The following EPB41L1 variants were observed in gnomAD, a reference collection of about 807,000 sequenced individuals.
EPB41L1 encodes the protein erythrocyte membrane protein band 4.1 like 1.
A neutral mutation model predicts 97.8 loss-of-function variants in EPB41L1; 29 were observed. The observed-to-expected ratio is 0.30, with a 90% confidence interval of 0.22 to 0.40. EPB41L1 has a LOEUF of 0.40. Among genes scored for constraint, EPB41L1 ranks in the 10% least tolerant of loss-of-function variants. EPB41L1 has a pLI of 1.00. For synonymous variants in EPB41L1, 383 were observed against 459.2 expected (o/e 0.83, Z 2.12); for missense variants, 812 against 1,162.3 (o/e 0.70, Z 4.38).
upstream of EPB41L1, among the ~76,000 whole-genome samples, chr20:36,153,383 G>A (rs2060135942): frequency 6.6e-6 from 1 of 152,110 alleles, no homozygotes; most frequent in Non-Finnish European, 1.5e-5. Flanking sequence ...AGGATGGAGG[G>A]CTCAGCTCAC....
rs1438986877 is a variant in EPB41L1 at position 36,183,524 on chromosome 20, C to T, written c.566+1177C>T. ...TTAGGCCAGCACAGCCTCAATCCCCCTGGTCTTCCCTACTGATACCTCTCC... is the reference window on the plus strand; with the variant it reads ...TTAGGCCAGCACAGCCTCAATCCCCTTGGTCTTCCCTACTGATACCTCTCC... On this transcript the variant is annotated intron_variant, in intron 6 of 21. Coordinates refer to ENST00000338074, the MANE Select transcript of EPB41L1 (RefSeq NM_012156.2). Among the ~76,000 whole-genome samples the T allele has an allele frequency of 2.0e-5, 3 of 152,194 alleles. No individual in the cohort carries two copies. In the East Asian group the frequency reaches 5.8e-4, roughly 29 times the overall value.
At chr20:36,132,248 G>C (rs2147763778) in intron 2 of EPB41L1, among the ~76,000 whole-genome samples, 1 of 152,214 alleles carries the variant, frequency 6.6e-6, no homozygotes, top group East Asian at 1.9e-4. Flanking sequence ...CGAAGTCAGG[G>C]TGTTGGCAGA....
chr20:36,157,498 C>T (rs1430415506), intron 1 of EPB41L1, among the ~76,000 whole-genome samples: 2 of 152,182 alleles, frequency 1.3e-5, no homozygotes, highest in Admixed American at 1.3e-4. Context: ...CTTCTTTCTA[C>T]CATGACATTT....
At chr20:36,226,512 T>G (rs544967952) in intron 21 of EPB41L1, among the ~76,000 whole-genome samples, 16 of 152,286 alleles carry the variant, frequency 1.1e-4, no homozygotes, top group Non-Finnish European at 1.5e-4. Flanking sequence ...ATGGATTGAT[T>G]AGAGAGTGAA....
In EPB41L1 at chr20:36,177,961, C is replaced by T. The variant is rs559868386; in HGVS notation, c.352C>T (p.Arg118Trp). 5.9e-5 allele frequency: 95 copies of T among 1,614,042 alleles called. No homozygotes were observed. The highest frequency in any genetic ancestry group is 2.0e-5 in the Non-Finnish European group (24 of 1,179,892). ...EYECEVEKHG[R>W]GQVLFDLVCE... ...CTGCTTCCCTCCTTAGAAACATGGC[C>T]GGGGCCAGGTGCTGTTTGACCTGGT... Residue 118 changes from arginine to tryptophan, a missense_variant, in exon 4 of 22, where the codon CGG becomes TGG. Physicochemically the swap from Arg to Trp is moderately radical, Grantham distance 101. This residue lies in a region of EPB41L1 where 230 missense variants were observed against 445.2 expected (regional missense o/e 0.52). Coordinates refer to ENST00000338074, the MANE Select transcript of EPB41L1 (RefSeq NM_012156.2).
chr20:36,171,064 T>G (rs984684348), intron 1 of EPB41L1, among the ~76,000 whole-genome samples: 2 of 151,506 alleles, frequency 1.3e-5, no homozygotes, highest in Non-Finnish European at 2.9e-5. Context: ...CTCCCGGCTG[T>G]CTGGGCCCAC....
chr20:36,159,855 T>C (rs144461806), intron 1 of EPB41L1, among the ~76,000 whole-genome samples: 11 of 152,350 alleles, frequency 7.2e-5, no homozygotes, highest in South Asian at 2.1e-4. Context: ...TGTGAGGCAA[T>C]TGGCAAGTTA....
intron 5 of EPB41L1, among the ~76,000 whole-genome samples, chr20:36,181,176 C>G (rs2061457086): frequency 6.6e-6 from 1 of 152,164 alleles, no homozygotes; most frequent in South Asian, 2.1e-4. Context: ...TGACCACAGC[C>G]CTGCCATGGA....
At position 36,093,587 on chromosome 20, in the gene EPB41L1, C is replaced by T. The variant is rs971185361; in HGVS notation, c.-65+1975C>T. Among the ~76,000 whole-genome samples, 1 of 151,736 alleles carries T rather than the reference C, an allele frequency of 6.6e-6. No individual in the cohort carries two copies. Among genetic ancestry groups the T allele is most frequent in the African/African-American group, 2.4e-5 (1 of 41,314 alleles). The stretch of plus-strand genomic sequence containing the variant: ...CCTGCTGGCAGGTGGGCGGCCACAC[C>T]CCGGGGGTCGGGGGAACTGGGCTGA... On this transcript the variant is annotated intron_variant, in intron 1 of 19. Transcript: ENST00000202028. This position sits in a 1 kb window ranked among gnomAD's most constrained non-coding sequence, Gnocchi z 5.4.
At chr20:36,162,352 G>A (rs185148923) in intron 1 of EPB41L1, among the ~76,000 whole-genome samples, 50 of 152,374 alleles carry the variant, frequency 3.3e-4, no homozygotes, top group Non-Finnish European at 5.7e-4. Flanking sequence ...AGTAGCTTTG[G>A]TTATATGGCT....
At chr20:36,166,758 G>A (rs1321419500) in intron 1 of EPB41L1, among the ~76,000 whole-genome samples, 1 of 152,146 alleles carries the variant, frequency 6.6e-6, no homozygotes, top group Non-Finnish European at 1.5e-5. Context: ...CCACCTACTG[G>A]GGAGGCCAAG....
chr20:36,155,593 T>C (rs1328262626), intron 1 of EPB41L1: 1 of 456,494 alleles, frequency 2.2e-6, no homozygotes, highest in East Asian at 7.0e-5. Flanking sequence ...TTGGGGTACT[T>C]ACTGGGTGCA....
At chr20:36,170,927 G>A (rs1056261083) in intron 1 of EPB41L1, among the ~76,000 whole-genome samples, 3 of 152,146 alleles carry the variant, frequency 2.0e-5, no homozygotes, top group African/African-American at 7.2e-5. Context: ...CCCAGGCAGA[G>A]GAAGACTGGG....
chr20:36,215,184 C>G (rs1362398425), intron 17 of EPB41L1, among the ~76,000 whole-genome samples: 1 of 151,960 alleles, frequency 6.6e-6, no homozygotes, highest in African/African-American at 2.4e-5. Context: ...ATGCTCTTCC[C>G]TCCACAACCT....
chr20:36,177,824 G>A (rs1421243040), intron 3 of EPB41L1, 128 bp from the exon 4 acceptor site: 15 of 756,780 alleles, frequency 2.0e-5, no homozygotes, highest in East Asian at 8.0e-5. Flanking sequence ...TGGCAGGAGC[G>A]CTGCATTCCT....
At chr20:36,226,448 C>T (rs1411788037) in intron 21 of EPB41L1, among the ~76,000 whole-genome samples, 1 of 152,178 alleles carries the variant, frequency 6.6e-6, no homozygotes, top group Non-Finnish European at 1.5e-5. Context: ...AATGAGGAAA[C>T]TGAGGGTCAG....
At chr20:36,183,523 C>T (rs1006122087) in intron 6 of EPB41L1, among the ~76,000 whole-genome samples, 7 of 152,190 alleles carry the variant, frequency 4.6e-5, no homozygotes, top group Admixed American at 3.3e-4. Flanking sequence ...CCTCAATCCC[C>T]CTGGTCTTCC....
At chr20:36,124,648 C>A (rs1164997573) in intron 2 of EPB41L1, among the ~76,000 whole-genome samples, 1 of 152,202 alleles carries the variant, frequency 6.6e-6, no homozygotes, top group Non-Finnish European at 1.5e-5. Context: ...TTTTCACCAC[C>A]TCTTGATTCC....
intron 2 of EPB41L1, among the ~76,000 whole-genome samples, chr20:36,123,101 C>T (rs2058812785): frequency 6.6e-6 from 1 of 151,922 alleles, no homozygotes; most frequent in African/African-American, 2.4e-5. Flanking sequence ...TTTCTCTAGG[C>T]CCCCTCCCAT....
Sources: gnomAD v4.1 joint callset for allele counts (sites outside exome capture counted in the v4.1 genomes callset) on GRCh38, gnomAD v4.1.1 for gene constraint, gnomAD v4.1.1 regional missense constraint, Gnocchi (gnomAD v3.1) non-coding constraint, MANE v1.5 for transcripts, NCBI Gene and HGNC (gene_info 2026-07-23, HGNC 2026-07-21) for gene names.